DNAL1: variants seen among roughly 807,000 people sequenced by gnomAD.
The protein encoded by DNAL1 is dynein axonemal light chain 1, also known as chromosome 14 open reading frame 168.
DNAL1 carries 17 observed loss-of-function variants against 29.4 expected under a neutral mutation model. The ratio of observed to expected loss-of-function variants is 0.58; its 90% CI spans 0.40 to 0.87. The LOEUF is 0.87. Among genes scored for constraint, DNAL1 ranks in the 40% least tolerant of loss-of-function variants. DNAL1 has a pLI of 0.00. For missense variants in DNAL1, 188 were observed against 214.1 expected (o/e 0.88, Z 0.76); for synonymous variants, 78 against 76.3 (o/e 1.02, Z -0.12).
In DNAL1 at chr14:73,677,470, C is replaced by T. The variant is rs767463238; in HGVS notation, c.264+5873C>T. 5.0e-4 allele frequency among the ~76,000 whole-genome samples: 75 copies of T among 151,206 alleles called. No individual in the cohort carries two copies. The Middle Eastern group carries it at 0.014, about 27-fold the overall frequency. On this transcript the variant is annotated intron_variant, in intron 5 of 7. Coordinates refer to ENST00000553645, the MANE Select transcript of DNAL1 (RefSeq NM_031427.4). ...ACAGGCCACTGTTCGCGGCAAGTACCGTGTTGTTTTAATTTCCATTATCTA... is the reference window on the plus strand; with the variant it reads ...ACAGGCCACTGTTCGCGGCAAGTACTGTGTTGTTTTAATTTCCATTATCTA...
chr14:73,664,333 CAG>C (rs933162460), intron 4 of DNAL1, among the ~76,000 whole-genome samples: 10 of 152,246 alleles, frequency 6.6e-5, no homozygotes, highest in African/African-American at 2.4e-4. Context: ...TCACTGATAA[CAG>C]AGTTTTCTTT....
At chr14:73,654,752 C>G in intron 1 of DNAL1, 95 bp from the exon 2 acceptor site, 1 of 1,199,548 alleles carries the variant, frequency 8.3e-7, no homozygotes, top group Non-Finnish European at 1.1e-6. Flanking sequence ...GAGCAAGATT[C>G]TGTCTCAAAA....
At chr14:73,658,714 G>A (rs561525805) in intron 2 of DNAL1, 133 bp from the exon 3 acceptor site, 3 of 564,288 alleles carry the variant, frequency 5.3e-6, no homozygotes, top group African/African-American at 3.8e-5. Context: ...TAATGGTAAA[G>A]AATTATTAAA....
At chr14:73,649,375 C>T (rs912833087) in intron 1 of DNAL1, among the ~76,000 whole-genome samples, 1 of 151,830 alleles carries the variant, frequency 6.6e-6, no homozygotes, top group Admixed American at 6.6e-5. Flanking sequence ...CTCCGCCTCC[C>T]GGGTTCACGC....
chr14:73,695,804 C>T (rs1374097968), intron 7 of DNAL1, 98 bp from the exon 8 acceptor site: 2 of 972,234 alleles, frequency 2.1e-6, no homozygotes, highest in Non-Finnish European at 3.0e-6. Flanking sequence ...GCTGGGATTA[C>T]AGGCGTGAGC....
At chr14:73,654,390 AAG>A (rs1237047220) in intron 1 of DNAL1, among the ~76,000 whole-genome samples, 1 of 152,216 alleles carries the variant, frequency 6.6e-6, no homozygotes, top group East Asian at 1.9e-4. Context: ...GTCTCAAAGA[AAG>A]AAATCATTTT....
Position 73,696,074 on chromosome 14 carries a change from C to T in DNAL1, c.*132C>T, listed in dbSNP as rs1892293411. The stretch of plus-strand genomic sequence containing the variant: ...TAAGATAAAACAGATCACTCATTCT[C>T]ATCTTTTTTTTTCCTTTAACTTATT... On this transcript the variant is annotated 3_prime_UTR_variant, in exon 8 of 8. Transcript: ENST00000553645. 1.2e-6 allele frequency: 1 copy of T among 842,908 alleles called. No individual in the cohort carries two copies. The highest frequency in any genetic ancestry group is 1.8e-6 in the Non-Finnish European group (1 of 560,650). The allele number at this position is 842,908 out of a possible 1,614,324, so 52.2% of individuals were successfully genotyped here. A position where few individuals can be genotyped will look rare whatever the true frequency, so the allele number is the denominator to read the frequency against.
chr14:73,662,069 T>A (rs1379518464), intron 4 of DNAL1, 27 bp downstream of exon 4: 1 of 1,530,130 alleles, frequency 6.5e-7, no homozygotes, highest in African/African-American at 1.4e-5. Context: ...AACAGATGGT[T>A]CATGGATTTC....
At chr14:73,648,604 G>C (rs187435584) in intron 1 of DNAL1, among the ~76,000 whole-genome samples, 1 of 149,784 alleles carries the variant, frequency 6.7e-6, no homozygotes, top group East Asian at 2.0e-4. Flanking sequence ...TTAGTAGAGA[G>C]AGGGTTCTCC....
intron 5 of DNAL1, among the ~76,000 whole-genome samples, chr14:73,686,957 C>A: frequency 6.6e-6 from 1 of 151,304 alleles, no homozygotes; most frequent in East Asian, 1.9e-4. Flanking sequence ...TAAGATAGTG[C>A]CATTATTTCC....
At chr14:73,651,857 A>T (rs1198336510) in intron 1 of DNAL1, among the ~76,000 whole-genome samples, 1 of 151,772 alleles carries the variant, frequency 6.6e-6, no homozygotes, top group African/African-American at 2.4e-5. Context: ...GGGTTTCACC[A>T]TGTTGGCCAG....
intron 1 of DNAL1, among the ~76,000 whole-genome samples, chr14:73,653,437 G>A (rs950802442): frequency 3.3e-5 from 5 of 151,912 alleles, no homozygotes; most frequent in African/African-American, 4.8e-5. Context: ...CTGTAACCTC[G>A]AACTCTTGGG....
At chr14:73,692,190 A>T (rs1892191901) in intron 7 of DNAL1, among the ~76,000 whole-genome samples, 1 of 152,066 alleles carries the variant, frequency 6.6e-6, no homozygotes, top group Non-Finnish European at 1.5e-5. Context: ...TCCCTTAAGA[A>T]TAAAATAGAG....
In DNAL1 at chr14:73,689,535, C is replaced by CT. The variant is rs1484034547; in HGVS notation, c.532+22dup. 1.3e-6 allele frequency: 2 copies of CT among 1,583,600 alleles called. No homozygotes were observed. Among genetic ancestry groups the CT allele is most frequent in the African/African-American group, 2.7e-5 (2 of 74,306 alleles). On this transcript the variant is annotated intron_variant, in intron 7 of 7. Transcript: ENST00000553645. Reference sequence around the variant, plus strand: ...TGGATGGTGAGTGATTCTGAGCTGGCTTAGACATATCTTCTAGGCATAAAA... The same window carrying CT: ...TGGATGGTGAGTGATTCTGAGCTGGCTTTAGACATATCTTCTAGGCATAAAA...
chr14:73,645,835 A>G (rs957762968), intron 1 of DNAL1, among the ~76,000 whole-genome samples: 6 of 152,368 alleles, frequency 3.9e-5, no homozygotes, highest in Admixed American at 3.9e-4. Context: ...TCTTGCTTAC[A>G]TACTTGGTAG....
At chr14:73,658,021 G>A (rs1378968337) in intron 2 of DNAL1, among the ~76,000 whole-genome samples, 2 of 152,178 alleles carry the variant, frequency 1.3e-5, no homozygotes, top group Non-Finnish European at 1.5e-5. Flanking sequence ...TTCTTCCAGT[G>A]GCTTTATAGT....
chr14:73,659,530 G>A (rs1753856605), intron 3 of DNAL1: 1 of 152,014 alleles, frequency 6.6e-6, no homozygotes, highest in Non-Finnish European at 1.5e-5. Context: ...AGTCTTTTGG[G>A]AGAAGCTAAA....
At chr14:73,686,186 A>G (rs1892016019) in intron 5 of DNAL1, among the ~76,000 whole-genome samples, 2 of 152,172 alleles carry the variant, frequency 1.3e-5, no homozygotes, top group Admixed American at 1.3e-4. Flanking sequence ...CTCATTTTAC[A>G]GAGTAAGAAA....
chr14:73,664,292 T>C (rs1164394237), intron 4 of DNAL1, among the ~76,000 whole-genome samples: 2 of 152,200 alleles, frequency 1.3e-5, no homozygotes, highest in South Asian at 4.1e-4. Flanking sequence ...TCTCCTTTCC[T>C]CCTGTCTTTC....
Sources: gnomAD v4.1 joint callset for allele counts (sites outside exome capture counted in the v4.1 genomes callset) on GRCh38, gnomAD v4.1.1 for gene constraint, MANE v1.5 for transcripts, NCBI Gene and HGNC (gene_info 2026-07-23, HGNC 2026-07-21) for gene names.